The following RANBP17 variants were observed in gnomAD, a reference collection of about 807,000 sequenced individuals.
RANBP17 encodes RAN binding protein 17.
RANBP17 carries 158 observed loss-of-function variants against 141.2 expected under a neutral mutation model. That is an observed-to-expected ratio of 1.12 (90% CI 0.98 to 1.28). The LOEUF (loss-of-function observed/expected upper bound fraction) is 1.28. Ranked by LOEUF, RANBP17 falls within the 50% of genes most tolerant of loss-of-function variation. The probability of loss-of-function intolerance (pLI) is 0.00; values close to 1 mark genes in which losing one functional copy is unlikely to be tolerated. For synonymous variants in RANBP17, 430 were observed against 450.0 expected, an observed-to-expected ratio of 0.96 and a Z score of 0.56; for missense variants, 1,438 against 1,290.7, an observed-to-expected ratio of 1.11 and a Z score of -1.75.
At chr5:171,297,045 T>A (rs183752692) in intron 27 of RANBP17, among the ~76,000 whole-genome samples, 167 of 152,360 alleles carry the variant, frequency 1.1e-3, no homozygotes, top group African/African-American at 3.9e-3. Flanking sequence ...GAGATGATGA[T>A]AATCAGTTGT....
intron 24 of RANBP17, among the ~76,000 whole-genome samples, chr5:171,262,334 C>T (rs921950564): frequency 1.2e-4 from 18 of 152,274 alleles, no homozygotes; most frequent in African/African-American, 4.3e-4. Context: ...GACTTTTAGG[C>T]CTAGACATTT....
chr5:170,905,904 A>G (rs555668275), intron 5 of RANBP17, among the ~76,000 whole-genome samples: 3 of 152,148 alleles, frequency 2.0e-5, no homozygotes, highest in Admixed American at 6.5e-5. Flanking sequence ...TATCACTGAA[A>G]TAAGACTAGT....
chr5:170,906,489 A>G (rs1231827813), intron 5 of RANBP17, among the ~76,000 whole-genome samples: 2 of 151,984 alleles, frequency 1.3e-5, no homozygotes, highest in African/African-American at 2.4e-5. Context: ...GATTTGTCAC[A>G]TTACTGATGA....
At chr5:170,964,388 T>G (rs1270530704) in intron 13 of RANBP17, among the ~76,000 whole-genome samples, 1 of 152,042 alleles carries the variant, frequency 6.6e-6, no homozygotes, top group Admixed American at 6.6e-5. Context: ...GTTTTTTTGT[T>G]GTTGTTGTTA....
At chr5:171,221,442 ATC>A (rs1763550575) in intron 21 of RANBP17, among the ~76,000 whole-genome samples, 1 of 152,222 alleles carries the variant, frequency 6.6e-6, no homozygotes, top group Non-Finnish European at 1.5e-5. Flanking sequence ...TTTTATTATT[ATC>A]CATCATCCAG....
intron 14 of RANBP17, among the ~76,000 whole-genome samples, chr5:171,014,279 A>C (rs1199285343): frequency 6.6e-6 from 1 of 151,952 alleles, no homozygotes; most frequent in Admixed American, 6.6e-5. Flanking sequence ...TCCTAGATGA[A>C]AATCTCTACC....
At chr5:171,159,917 C>CAAAAAAAAA (rs1175963382) in intron 14 of RANBP17, among the ~76,000 whole-genome samples, 37 of 41,432 alleles carry the variant, frequency 8.9e-4, no homozygotes, top group African/African-American at 1.2e-3. Context: ...GACTCCATCT[C>CAAAAAAAAA]AAAAAAAAAA....
Position 171,232,683 on chromosome 5 carries a change from C to T in RANBP17, c.2423-8245C>T, listed in dbSNP as rs751509251. Among the ~76,000 whole-genome samples, 9 of 152,056 alleles carry T rather than the reference C, an allele frequency of 5.9e-5. No homozygotes were observed. The East Asian group carries it at 1.5e-3, about 26-fold the overall frequency. Reference sequence around the variant, plus strand: ...AGTTTAGTGTATGTGCCCTTCTATGCTTTTTATGTGTACATATACACATAT... The same window carrying T: ...AGTTTAGTGTATGTGCCCTTCTATGTTTTTTATGTGTACATATACACATAT... On this transcript the variant is annotated intron_variant, in intron 22 of 27. Transcript: ENST00000523189.
At chr5:171,045,562 AT>A (rs1403477501) in intron 14 of RANBP17, among the ~76,000 whole-genome samples, 2 of 152,138 alleles carry the variant, frequency 1.3e-5, no homozygotes, top group Non-Finnish European at 2.9e-5. Flanking sequence ...TAACAGACTA[AT>A]TGTCTTTAAA....
intron 14 of RANBP17, among the ~76,000 whole-genome samples, chr5:170,974,975 A>G (rs1465596628): frequency 6.6e-6 from 1 of 151,890 alleles, no homozygotes; most frequent in Non-Finnish European, 1.5e-5. Flanking sequence ...GGCCTGGGAG[A>G]CAGAATGAGA....
intron 14 of RANBP17, 58 bp downstream of exon 14, chr5:170,968,435 A>G (rs1776748547): frequency 2.1e-6 from 3 of 1,436,168 alleles, no homozygotes; most frequent in African/African-American, 2.8e-5. Flanking sequence ...AGATGTACAT[A>G]TATAACTGAA....
At chr5:170,888,198 C>A (rs1769313283) in intron 3 of RANBP17, among the ~76,000 whole-genome samples, 1 of 152,254 alleles carries the variant, frequency 6.6e-6, no homozygotes, top group South Asian at 2.1e-4. Context: ...ATTGTGTTGG[C>A]TTTTGCCTCT....
At chr5:171,202,327 A>G (rs1349198882) in intron 19 of RANBP17, among the ~76,000 whole-genome samples, 1 of 152,172 alleles carries the variant, frequency 6.6e-6, no homozygotes, top group Non-Finnish European at 1.5e-5. Context: ...ATGGTAAAAT[A>G]TAGTCCAGTA....
chr5:171,054,894 A>G (rs1783236661), intron 14 of RANBP17, among the ~76,000 whole-genome samples: 1 of 152,154 alleles, frequency 6.6e-6, no homozygotes, highest in Non-Finnish European at 1.5e-5. Context: ...ATGTCTAACT[A>G]TTAGGGTCTC....
At chr5:171,198,113 T>C (rs1762083224) in intron 18 of RANBP17, among the ~76,000 whole-genome samples, 1 of 152,194 alleles carries the variant, frequency 6.6e-6, no homozygotes, top group Non-Finnish European at 1.5e-5. Context: ...TAGGAAAGCT[T>C]AGCTTAGACA....
intron 14 of RANBP17, among the ~76,000 whole-genome samples, chr5:171,045,100 G>T (rs1303205684): frequency 6.6e-6 from 1 of 152,018 alleles, no homozygotes; most frequent in Non-Finnish European, 1.5e-5. Context: ...AATGTGATTT[G>T]TATTAGCTCT....
intron 3 of RANBP17, among the ~76,000 whole-genome samples, chr5:170,890,892 C>A (rs1769538993): frequency 6.6e-6 from 1 of 152,052 alleles, no homozygotes; most frequent in African/African-American, 2.4e-5. Flanking sequence ...TTTGGTGGGA[C>A]GGGATCTCAC....
chr5:170,871,017 T>G (rs907102539), intron 1 of RANBP17, among the ~76,000 whole-genome samples: 17 of 152,178 alleles, frequency 1.1e-4, no homozygotes, highest in African/African-American at 4.1e-4. Context: ...CATAAATGTC[T>G]TCTTTTGAGA....
At chr5:170,993,275 T>C (rs1219706832) in intron 14 of RANBP17, among the ~76,000 whole-genome samples, 1 of 152,120 alleles carries the variant, frequency 6.6e-6, no homozygotes, top group East Asian at 1.9e-4. Context: ...TAAATTGTTT[T>C]AAATTTTCTC....
Sources: allele counts gnomAD v4.1 joint callset (sites outside exome capture counted in the v4.1 genomes callset), GRCh38; gene constraint gnomAD v4.1.1; transcripts MANE v1.5; gene names NCBI Gene and HGNC (gene_info 2026-07-23, HGNC 2026-07-21).